Variants in RGS9BP observed in about 807,000 individuals in gnomAD.
The protein encoded by RGS9BP is regulator of G protein signaling 9 binding protein.
Under a neutral mutation model 3.8 loss-of-function variants are expected in RGS9BP, and 1 was observed. That is an observed-to-expected ratio of 0.26 (90% CI 0.09 to 1.24). The LOEUF is 1.24. Ranked by LOEUF, RGS9BP falls within the 50% of genes most tolerant of loss-of-function variation. The pLI is 0.48. For synonymous variants in RGS9BP, 200 were observed against 177.8 expected (o/e 1.13, Z -1.00); for missense variants, 363 against 344.3 (o/e 1.05, Z -0.43).
In RGS9BP at chr19:32,676,795, C is replaced by G; in HGVS notation, c.532C>G (p.Arg178Gly). The change falls in exon 1 of 1, where the codon CGG becomes GGG. Residue 178 changes from arginine (R) to glycine (G), a missense_variant. Arg to Gly is a moderately radical substitution (Grantham distance 125, BLOSUM62 -2). Coordinates refer to ENST00000334176, the MANE Select transcript of RGS9BP (RefSeq NM_207391.3). ...CGTGCCCCGCTGGACCGTGCAAGCC[C>G]GGCAGGCGGCGGGCGCCGAGCTCCT... ...VNVPRWTVQARQAAGAELLST... is the reference protein window; with the variant it reads ...VNVPRWTVQAGQAAGAELLST... The G allele has an allele frequency of 6.3e-7, 1 of 1,585,848 alleles. No homozygotes were observed. Among genetic ancestry groups the G allele is most frequent in the Non-Finnish European group, 8.5e-7 (1 of 1,173,660 alleles).
chr19:32,676,206 C>A lies in RGS9BP; in HGVS notation c.-58C>A. 7.9e-7 allele frequency: 1 copy of A among 1,272,338 alleles called. No homozygotes were observed. The highest frequency in any genetic ancestry group is 1.1e-6 in the Non-Finnish European group (1 of 911,988). The allele number at this position is 1,272,338 out of a possible 1,614,324, so 78.8% of individuals were successfully genotyped here. On this transcript the variant is annotated 5_prime_UTR_variant, in exon 1 of 1. Transcript: ENST00000334176. ...GGGATGGGGGTTAGCCACATCCTGC[C>A]GCGCTGAGGGGGAGGCTAACGGGCG...
rs1390090022 is a variant in RGS9BP, at chr19:32,676,876, G to T, written c.613G>T (p.Gly205Cys). The T allele has an allele frequency of 1.2e-5, 19 of 1,595,338 alleles. No individual in the cohort carries two copies. The highest frequency in any genetic ancestry group is 2.2e-5 in the South Asian group (2 of 89,986). ...SVVSLQERGG[G>C]CDPRKALAAI... ...CGTGTCCTTGCAGGAGCGCGGGGGG[G>T]GTTGCGACCCCAGGAAGGCCCTGGC... is the stretch of plus-strand genomic sequence containing the variant. The change falls in exon 1 of 1, where the codon GGT becomes TGT. Residue 205 changes from glycine to cysteine, a missense_variant. Gly to Cys is a radical substitution (Grantham distance 159). Coordinates refer to ENST00000334176, the MANE Select transcript of RGS9BP (RefSeq NM_207391.3).
Position 32,676,517 on chromosome 19 carries a change from G to A in RGS9BP, c.254G>A (p.Cys85Tyr), listed in dbSNP as rs1599786666. 2.0e-6 allele frequency: 3 copies of A among 1,522,378 alleles called. No individual in the cohort carries two copies. The highest frequency in any genetic ancestry group is 2.6e-6 in the Non-Finnish European group (3 of 1,142,272). 94.3% of individuals were successfully genotyped at this position (1,522,378 alleles called of 1,614,324 possible). A position where few individuals can be genotyped will look rare whatever the true frequency, so the allele number is the denominator to read the frequency against. ...FERLWVAFSG[C>Y]LDLLEADMRR... is the part of the protein sequence containing the mutation. ...CGGCTCTGGGTGGCCTTCTCGGGCT[G>A]CCTGGACCTGCTGGAAGCGGACATG... The change falls in exon 1 of 1, where the codon TGC becomes TAC. Residue 85 changes from cysteine (C) to tyrosine (Y), a missense_variant. By Grantham distance (194) the Cys-to-Tyr change is radical. Transcript: ENST00000334176.
At position 32,677,463 on chromosome 19, in the gene RGS9BP, T is replaced by G. The variant is rs552423267; in HGVS notation, c.*492T>G. ...AATTGCAATCAAATGTCAGCAGCTT[T>G]TATTACCTTAATCTTTCAGGGCCTA... On this transcript the variant is annotated 3_prime_UTR_variant, in exon 1 of 1. Coordinates refer to ENST00000334176, the MANE Select transcript of RGS9BP (RefSeq NM_207391.3). 10 of 176,166 alleles carry G rather than the reference T, an allele frequency of 5.7e-5. No homozygotes were observed. In the East Asian group the frequency reaches 1.6e-3, roughly 28 times the overall value. The allele number at this position is 176,166 out of a possible 1,614,324, so 10.9% of individuals were successfully genotyped here.
chr19:32,676,957 GC>G lies in RGS9BP; in HGVS notation c.695del (p.Ala232GlyfsTer3), dbSNP rs747614357. On this transcript the variant is annotated frameshift_variant, in exon 1 of 1. Transcript: ENST00000334176. LOFTEE classifies it high-confidence loss of function. ...LAAVALAVCVAKLS is the reference protein window; with the variant it reads ...LAAVALAVCVXKLS Reference sequence around the variant, plus strand: ...GGCTGTGGCCCTAGCCGTGTGCGTGGCGAAGCTGAGCTGACGGACACCCGAC... The same window carrying G: ...GGCTGTGGCCCTAGCCGTGTGCGTGGGAAGCTGAGCTGACGGACACCCGAC... 21 of 1,603,028 alleles carry G rather than the reference GC, an allele frequency of 1.3e-5. No individual in the cohort carries two copies. In the African/African-American group the frequency reaches 2.8e-4, roughly 21 times the overall value.
Position 32,676,356 on chromosome 19 carries a change from G to A in RGS9BP, c.93G>A (p.Ala31=). 6.2e-7 allele frequency: 1 copy of A among 1,611,554 alleles called. No homozygotes were observed. The highest frequency in any genetic ancestry group is 8.5e-7 in the Non-Finnish European group (1 of 1,179,394). The change falls in exon 1 of 1, where the codon GCG becomes GCA. Residue 31 remains alanine, a synonymous_variant. Transcript: ENST00000334176. ...HHLVLTVGGS[A]DSQNLRQELQ... ...TGGTGCTGACCGTCGGTGGCTCGGC[G>A]GACTCGCAGAACCTGCGGCAGGAGC...
In RGS9BP at chr19:32,676,594, C is replaced by CA. The variant is rs1417502474; in HGVS notation, c.331_332insA (p.Pro111HisfsTer189). On this transcript the variant is annotated frameshift_variant, in exon 1 of 1. Coordinates refer to ENST00000334176, the MANE Select transcript of RGS9BP (RefSeq NM_207391.3). LOFTEE classifies it low-confidence loss of function (END_TRUNC). The stretch of plus-strand genomic sequence containing the variant: ...GTTCCCGCTGCACGCGCCGCGGCGG[C>CA]CGCTGGTGCGCACAGGTGTGGCTGG... 7.0e-7 allele frequency: 1 copy of CA among 1,420,472 alleles called. No homozygotes were observed. The highest frequency in any genetic ancestry group is 2.9e-5 in the East Asian group (1 of 34,124). The allele number at this position is 1,420,472 out of a possible 1,614,324, so 88.0% of individuals were successfully genotyped here.
In RGS9BP at chr19:32,677,199, A is replaced by G. The variant is rs1968027087; in HGVS notation, c.*228A>G. ...TCAGGGCATTACCGCTAACGTCTGC[A>G]GGAGCTTTATTCCCTATTAATAGAA... is the stretch of plus-strand genomic sequence containing the variant. On this transcript the variant is annotated 3_prime_UTR_variant, in exon 1 of 1. Transcript: ENST00000334176. 1 of 605,324 alleles carries G rather than the reference A, an allele frequency of 1.7e-6. No individual in the cohort carries two copies. Among genetic ancestry groups the G allele is most frequent in the Non-Finnish European group, 3.0e-6 (1 of 329,096 alleles). 37.5% of individuals were successfully genotyped at this position (605,324 alleles called of 1,614,324 possible). A position where few individuals can be genotyped will look rare whatever the true frequency, so the allele number is the denominator to read the frequency against.
In RGS9BP at chr19:32,678,275, C is replaced by CCT. The variant is rs986736436; in HGVS notation, c.*1305_*1306insTC. ...CTGAAGTTGATAGTCTTCCCCCCCCCCCACTTTTTTCTTTTTTGAGACAGG... is the reference window on the plus strand; with the variant it reads ...CTGAAGTTGATAGTCTTCCCCCCCCCCTCCACTTTTTTCTTTTTTGAGACAGG... On this transcript the variant is annotated 3_prime_UTR_variant, in exon 1 of 1. Coordinates refer to ENST00000334176, the MANE Select transcript of RGS9BP (RefSeq NM_207391.3). The CCT allele has an allele frequency of 1.3e-5, 2 of 151,242 alleles. No homozygotes were observed. The highest frequency in any genetic ancestry group is 5.3e-5 in the African/African-American group (2 of 37,836). The allele number at this position is 151,242 out of a possible 1,614,324, so 9.4% of individuals were successfully genotyped here. A position where few individuals can be genotyped will look rare whatever the true frequency, so the allele number is the denominator to read the frequency against.
Position 32,676,668 on chromosome 19 carries a change from G to A in RGS9BP, c.405G>A (p.Arg135=). The A allele has an allele frequency of 6.5e-7, 1 of 1,534,796 alleles. No individual in the cohort carries two copies. Among genetic ancestry groups the A allele is most frequent in the South Asian group, 1.2e-5 (1 of 84,106 alleles). Residue 135 remains arginine, a synonymous_variant, in exon 1 of 1, where the codon CGG becomes CGA. Coordinates refer to ENST00000334176, the MANE Select transcript of RGS9BP (RefSeq NM_207391.3). ...GCGCGCTGAGCACCCGCAGCCTGCG[G>A]CTCGAGGCGGAGGGCGACTTCGACG... ...AARALSTRSL[R]LEAEGDFDVA...
Position 32,676,468 on chromosome 19 carries a change from G to A in RGS9BP, c.205G>A (p.Ala69Thr), listed in dbSNP as rs1392643819. Residue 69 changes from alanine (A) to threonine (T), a missense_variant, in exon 1 of 1, where the codon GCC becomes ACC. Physicochemically the swap from Ala to Thr is moderately conservative, Grantham distance 58. Coordinates refer to ENST00000334176, the MANE Select transcript of RGS9BP (RefSeq NM_207391.3). ...TAVLRDRGLA[A>T]DERAEFERLW... ...TGTGCTGCGCGACCGGGGCCTGGCC[G>A]CCGACGAGCGCGCCGAGTTCGAGCG... The A allele has an allele frequency of 2.6e-6, 4 of 1,561,046 alleles. No individual in the cohort carries two copies. The Admixed American group carries it at 5.5e-5, about 22-fold the overall frequency.
In RGS9BP at chr19:32,676,821, GTCCACGGTCAGCGCCGGCCCC is replaced by G. The variant is rs1318776210; in HGVS notation, c.562_582del (p.Thr188_Ser194del). The G allele has an allele frequency of 6.3e-7, 1 of 1,585,558 alleles. No homozygotes were observed. ...GGCAGGCGGCGGGCGCCGAGCTCCT[GTCCACGGTCAGCGCCGGCCCC>G]TCCTCGGTCGTGTCCTTGCAGGAGC... On this transcript the variant is annotated inframe_deletion, in exon 1 of 1. Transcript: ENST00000334176.
chr19:32,676,572 C>G lies in RGS9BP; in HGVS notation c.309C>G (p.Phe103Leu), dbSNP rs967148568. ...GCGCGCTGGAGCTGGGCGCCGCGTT[C>G]CCGCTGCACGCGCCGCGGCGGCCGC... ...MRRALELGAA[F>L]PLHAPRRPLV... Residue 103 changes from phenylalanine (F) to leucine (L), a missense_variant, in exon 1 of 1, where the codon TTC becomes TTG. Physicochemically the swap from Phe to Leu is conservative, Grantham distance 22. Coordinates refer to ENST00000334176, the MANE Select transcript of RGS9BP (RefSeq NM_207391.3). 1 of 1,408,656 alleles carries G rather than the reference C, an allele frequency of 7.1e-7. No individual in the cohort carries two copies. The highest frequency in any genetic ancestry group is 9.1e-7 in the Non-Finnish European group (1 of 1,094,420). 87.3% of individuals were successfully genotyped at this position (1,408,656 alleles called of 1,614,324 possible).
At position 32,677,007 on chromosome 19, in the gene RGS9BP, TC is replaced by T. The variant is rs548173385; in HGVS notation, c.*40del. ...ACGGCCGCCTGCTGCTGCCGCTCCC[TC>T]CCCTGAGAAAAGACTCGGGATGGGT... On this transcript the variant is annotated 3_prime_UTR_variant, in exon 1 of 1. Transcript: ENST00000334176. The T allele has an allele frequency of 5.2e-3, 8,073 of 1,548,978 alleles. 32 individuals carry two copies. Among genetic ancestry groups the T allele is most frequent in the South Asian group, 6.7e-3 (573 of 86,020 alleles).
Position 32,677,310 on chromosome 19 carries a change from GT to G in RGS9BP, c.*340del, listed in dbSNP as rs1968028652. ...CGTCTTTACAGGGAGTCCGAGTTCG[GT>G]GCCCACCCCTGCCAGCGTCGCCCCC... On this transcript the variant is annotated 3_prime_UTR_variant, in exon 1 of 1. Transcript: ENST00000334176. 1 of 292,406 alleles carries G rather than the reference GT, an allele frequency of 3.4e-6. No individual in the cohort carries two copies. Among genetic ancestry groups the G allele is most frequent in the Non-Finnish European group, 6.9e-6 (1 of 145,868 alleles). 18.1% of individuals were successfully genotyped at this position (292,406 alleles called of 1,614,324 possible). A position where few individuals can be genotyped will look rare whatever the true frequency, so the allele number is the denominator to read the frequency against.
chr19:32,676,187 G>C lies in RGS9BP; in HGVS notation c.-77G>C, dbSNP rs1967992228. On this transcript the variant is annotated 5_prime_UTR_variant, in exon 1 of 1. Coordinates refer to ENST00000334176, the MANE Select transcript of RGS9BP (RefSeq NM_207391.3). ...TGCCGCGCGGCCCAAGGCCGGGATGGGGGTTAGCCACATCCTGCCGCGCTG... is the reference window on the plus strand; with the variant it reads ...TGCCGCGCGGCCCAAGGCCGGGATGCGGGTTAGCCACATCCTGCCGCGCTG... 9.9e-7 allele frequency: 1 copy of C among 1,008,034 alleles called. No individual in the cohort carries two copies. Among genetic ancestry groups the C allele is most frequent in the Non-Finnish European group, 1.4e-6 (1 of 693,366 alleles). The allele number at this position is 1,008,034 out of a possible 1,614,324, so 62.4% of individuals were successfully genotyped here. A position where few individuals can be genotyped will look rare whatever the true frequency, so the allele number is the denominator to read the frequency against.
Position 32,676,561 on chromosome 19 carries a change from G to GGCGCCGCGTTCCCGCTGCAC in RGS9BP, c.307_326dup (p.Arg110SerfsTer27). On this transcript the variant is annotated frameshift_variant, in exon 1 of 1. Coordinates refer to ENST00000334176, the MANE Select transcript of RGS9BP (RefSeq NM_207391.3). LOFTEE classifies it low-confidence loss of function (END_TRUNC). ...GGACATGCGACGCGCGCTGGAGCTGGGCGCCGCGTTCCCGCTGCACGCGCC... is the reference window on the plus strand; with the variant it reads ...GGACATGCGACGCGCGCTGGAGCTGGGCGCCGCGTTCCCGCTGCACGCGCCGCGTTCCCGCTGCACGCGCC... 1 of 1,431,734 alleles carries GGCGCCGCGTTCCCGCTGCAC rather than the reference G, an allele frequency of 7.0e-7. No individual in the cohort carries two copies. The highest frequency in any genetic ancestry group is 9.1e-7 in the Non-Finnish European group (1 of 1,104,038). The allele number at this position is 1,431,734 out of a possible 1,614,324, so 88.7% of individuals were successfully genotyped here. A position where few individuals can be genotyped will look rare whatever the true frequency, so the allele number is the denominator to read the frequency against.
rs755549310 is a variant in RGS9BP at position 32,676,244 on chromosome 19, C to G, written c.-20C>G. On this transcript the variant is annotated 5_prime_UTR_variant, in exon 1 of 1. Coordinates refer to ENST00000334176, the MANE Select transcript of RGS9BP (RefSeq NM_207391.3). ...AGGCTAACGGGCGCGGGCGGCCGGG[C>G]CCAGCCGGAGCCCACCGCGATGGCG... 4.1e-5 allele frequency: 64 copies of G among 1,556,984 alleles called. No individual in the cohort carries two copies. In the African/African-American group the frequency reaches 7.8e-4, roughly 19 times the overall value.
In RGS9BP at chr19:32,676,838, G is replaced by T; in HGVS notation, c.575G>T (p.Gly192Val). Residue 192 changes from glycine to valine, a missense_variant, in exon 1 of 1, where the codon GGC becomes GTC. Transcript: ENST00000334176. The stretch of plus-strand genomic sequence containing the variant: ...GAGCTCCTGTCCACGGTCAGCGCCG[G>T]CCCCTCCTCGGTCGTGTCCTTGCAG... The part of the protein sequence containing the change: ...GAELLSTVSA[G>V]PSSVVSLQER... 1 of 1,587,454 alleles carries T rather than the reference G, an allele frequency of 6.3e-7. No homozygotes were observed.
Sources: allele counts gnomAD v4.1 joint callset, GRCh38; gene constraint gnomAD v4.1.1; transcripts MANE v1.5; gene names NCBI Gene and HGNC (gene_info 2026-07-23, HGNC 2026-07-21).